The following INPP4B variants were observed in gnomAD, a reference collection of about 807,000 sequenced individuals.
INPP4B encodes the protein inositol polyphosphate-4-phosphatase type II B.
INPP4B carries 55 observed loss-of-function variants against 122.5 expected under a neutral mutation model. The ratio of observed to expected loss-of-function variants is 0.45; its 90% CI spans 0.36 to 0.56. INPP4B has a LOEUF of 0.56. Among genes scored for constraint, INPP4B ranks in the 20% least tolerant of loss-of-function variants. INPP4B has a pLI of 0.00. For missense variants in INPP4B, 1,000 were observed against 1,097.7 expected (o/e 0.91, Z 1.26); for synonymous variants, 403 against 388.7 (o/e 1.04, Z -0.43).
intron 25 of INPP4B, among the ~76,000 whole-genome samples, chr4:142,071,778 T>C (rs950819688): frequency 1.8e-4 from 28 of 152,136 alleles, no homozygotes; most frequent in Admixed American, 6.6e-4. Flanking sequence ...AAATCAAAAC[T>C]ACAATGAGAT....
chr4:142,136,537 G>C (rs927260805), intron 18 of INPP4B, among the ~76,000 whole-genome samples: 1 of 152,202 alleles, frequency 6.6e-6, no homozygotes, highest in African/African-American at 2.4e-5. Flanking sequence ...TTTGGGCATG[G>C]GGAAAGCTTT....
At chr4:142,268,052 G>A (rs1472213864) in intron 10 of INPP4B, among the ~76,000 whole-genome samples, 4 of 151,670 alleles carry the variant, frequency 2.6e-5, no homozygotes, top group Non-Finnish European at 5.9e-5. Flanking sequence ...GGCCAGGCAC[G>A]GAGTCTCACG....
chr4:142,383,930 C>T (rs1795070666), intron 7 of INPP4B: 2 of 580,620 alleles, frequency 3.4e-6, no homozygotes, highest in Non-Finnish European at 6.2e-6. Context: ...CCAGCTATTT[C>T]ACAAGAAAAC....
chr4:142,659,206 T>A (rs888781090), intron 2 of INPP4B, among the ~76,000 whole-genome samples: 2 of 150,212 alleles, frequency 1.3e-5, no homozygotes, highest in African/African-American at 2.5e-5. Context: ...GAGACCATCA[T>A]GGCTAACACG....
intron 18 of INPP4B, among the ~76,000 whole-genome samples, chr4:142,139,981 T>C (rs181064641): frequency 2.8e-4 from 42 of 152,250 alleles, no homozygotes; most frequent in Admixed American, 1.4e-3. Context: ...CTGGCCCAGA[T>C]GATTGTGTTA....
intron 2 of INPP4B, among the ~76,000 whole-genome samples, chr4:142,699,355 G>A (rs1490635352): frequency 6.6e-6 from 1 of 152,048 alleles, no homozygotes; most frequent in African/African-American, 2.4e-5. Context: ...TAAATGTCAT[G>A]GTTGTTTATT....
intron 2 of INPP4B, among the ~76,000 whole-genome samples, chr4:142,603,083 A>G (rs950016756): frequency 6.6e-6 from 1 of 152,230 alleles, no homozygotes; most frequent in Non-Finnish European, 1.5e-5. Context: ...TTGCAGGGAC[A>G]TGGATGGAGC....
At chr4:142,120,846 C>T (rs750085821) in intron 21 of INPP4B, among the ~76,000 whole-genome samples, 3 of 152,092 alleles carry the variant, frequency 2.0e-5, no homozygotes, top group Non-Finnish European at 4.4e-5. Flanking sequence ...CCAATTTATT[C>T]TGTTTATCCT....
intron 14 of INPP4B, 34 bp downstream of exon 14, chr4:142,208,391 A>G (rs1843437503): frequency 4.4e-6 from 5 of 1,140,690 alleles, no homozygotes; most frequent in South Asian, 1.4e-5. Context: ...ACTGTAACAT[A>G]ATTTGCTATT....
intron 2 of INPP4B, among the ~76,000 whole-genome samples, chr4:142,642,299 T>C (rs891649906): frequency 1.3e-5 from 2 of 152,338 alleles, no homozygotes; most frequent in Non-Finnish European, 1.5e-5. Context: ...ATTTTGGCTT[T>C]TGTTGCCATT....
chr4:142,393,368 A>T (rs2149023216), intron 7 of INPP4B, among the ~76,000 whole-genome samples: 1 of 152,344 alleles, frequency 6.6e-6, no homozygotes, highest in East Asian at 1.9e-4. Context: ...GACTTTAAGG[A>T]GACACGTAGA....
At chr4:142,193,011 A>G in intron 15 of INPP4B, 76 bp downstream of exon 15, 1 of 843,022 alleles carries the variant, frequency 1.2e-6, no homozygotes, top group Non-Finnish European at 2.0e-6. Context: ...TGATGGACCA[A>G]TCACCTTGTA....
rs1400402940 is a variant in INPP4B at position 142,810,092 on chromosome 4, C to A, written c.-254+36117G>T. Among the ~76,000 whole-genome samples, 4 of 151,080 alleles carry A rather than the reference C, an allele frequency of 2.6e-5. No homozygotes were observed. The East Asian group carries it at 7.8e-4, about 29-fold the overall frequency. ...GGCTGAGGCAGGAGAATTGCTTGAACCCAAGAGATGGAGGTTGCAGTGAGC... is the reference window on the plus strand; with the variant it reads ...GGCTGAGGCAGGAGAATTGCTTGAAACCAAGAGATGGAGGTTGCAGTGAGC... On this transcript the variant is annotated intron_variant, in intron 1 of 25. Transcript: ENST00000262992.
At chr4:142,717,810 A>C (rs1763984228) in intron 2 of INPP4B, among the ~76,000 whole-genome samples, 1 of 151,842 alleles carries the variant, frequency 6.6e-6, no homozygotes, top group Admixed American at 6.6e-5. Context: ...TAATGGGTGC[A>C]GCACACCAAC....
At chr4:142,403,110 A>G (rs1802186598) in intron 6 of INPP4B, 56 bp from the exon 7 acceptor site, 6 of 912,296 alleles carry the variant, frequency 6.6e-6, no homozygotes, top group Non-Finnish European at 9.2e-6. Flanking sequence ...TGTAGTTGGC[A>G]GCACGCAAGT....
intron 25 of INPP4B, among the ~76,000 whole-genome samples, chr4:142,074,362 G>T (rs113113062): frequency 4.6e-5 from 7 of 152,182 alleles, no homozygotes; most frequent in African/African-American, 1.7e-4. Context: ...CTTAAACAAA[G>T]ATAGCACTTT....
intron 3 of INPP4B, among the ~76,000 whole-genome samples, chr4:142,436,401 G>C (rs1234452566): frequency 3.9e-5 from 6 of 152,158 alleles, no homozygotes; most frequent in Admixed American, 2.6e-4. Context: ...TCCACCACGG[G>C]ACAGCGAAAG....
chr4:142,642,320 T>G (rs1396136458), intron 2 of INPP4B, among the ~76,000 whole-genome samples: 1 of 152,210 alleles, frequency 6.6e-6, no homozygotes, highest in East Asian at 1.9e-4. Context: ...GCTTTTGGTG[T>G]TTTAGACATG....
intron 7 of INPP4B, among the ~76,000 whole-genome samples, chr4:142,361,361 G>C (rs1785331140): frequency 1.3e-5 from 2 of 151,900 alleles, no homozygotes; most frequent in African/African-American, 4.8e-5. Context: ...TCTGTGAAAA[G>C]GGCCTGGAAT....
Sources: allele counts gnomAD v4.1 joint callset (sites outside exome capture counted in the v4.1 genomes callset), GRCh38; gene constraint gnomAD v4.1.1; transcripts MANE v1.5; gene names NCBI Gene and HGNC (gene_info 2026-07-23, HGNC 2026-07-21).